BFSP1: variants seen among roughly 807,000 people sequenced by gnomAD.
BFSP1 encodes the protein beaded filament structural protein 1.
In BFSP1, 38 loss-of-function variants were observed where a neutral mutation model predicts 43.9. That is an observed-to-expected ratio of 0.87 (90% CI 0.67 to 1.14). The LOEUF (loss-of-function observed/expected upper bound fraction) is 1.14, where lower values mean the gene tolerates loss of function less well. BFSP1 is among the 50% of genes most tolerant of loss of function. The pLI is 0.00. For missense variants in BFSP1, 850 were observed against 875.1 expected (o/e 0.97, Z 0.36); for synonymous variants, 352 against 354.8 (o/e 0.99, Z 0.09).
intron 5 of BFSP1, among the ~76,000 whole-genome samples, chr20:17,504,096 A>G (rs1374887384): frequency 6.6e-6 from 1 of 152,100 alleles, no homozygotes; most frequent in Non-Finnish European, 1.5e-5. Flanking sequence ...AGAAGGCTGC[A>G]TGTTTTAAAG....
chr20:17,554,742 A>T (rs1035137833), intron 1 of BFSP1, among the ~76,000 whole-genome samples: 1 of 152,218 alleles, frequency 6.6e-6, no homozygotes, highest in Non-Finnish European at 1.5e-5. Flanking sequence ...TAACCCATGC[A>T]ATGACAAGAA....
At chr20:17,509,440 G>C (rs1476700766) in intron 4 of BFSP1, among the ~76,000 whole-genome samples, 3 of 152,160 alleles carry the variant, frequency 2.0e-5, no homozygotes, top group African/African-American at 7.2e-5. Context: ...AGTAGCCTGA[G>C]AAGACTAAGC....
In BFSP1 at chr20:17,514,702, T is replaced by C. The variant is rs377729204; in HGVS notation, c.534+19A>G. 1.2e-6 allele frequency: 2 copies of C among 1,611,822 alleles called. No homozygotes were observed. Among genetic ancestry groups the C allele is most frequent in the African/African-American group, 2.7e-5 (2 of 74,890 alleles). On this transcript the variant is annotated intron_variant, in intron 3 of 7. Transcript: ENST00000377873. The stretch of plus-strand genomic sequence containing the variant: ...AAACTGGGTTTTCTAGAGGAAGGGC[T>C]TCAAGGGGTCATGATTACCTTCTTG...
intron 1 of BFSP1, among the ~76,000 whole-genome samples, chr20:17,529,896 C>A: frequency 6.6e-6 from 1 of 152,188 alleles, no homozygotes; most frequent in Non-Finnish European, 1.5e-5. Context: ...CTCAAAGTAG[C>A]CTTCTGAGTC....
intron 1 of BFSP1, among the ~76,000 whole-genome samples, chr20:17,550,615 T>A (rs753720291): frequency 7.9e-5 from 12 of 151,860 alleles, no homozygotes; most frequent in Non-Finnish European, 1.5e-4. Flanking sequence ...CAGGTGCCCA[T>A]CTGCCCACCA....
At chr20:17,546,371 C>T (rs2034801296) in intron 1 of BFSP1, among the ~76,000 whole-genome samples, 1 of 152,168 alleles carries the variant, frequency 6.6e-6, no homozygotes, top group Non-Finnish European at 1.5e-5. Flanking sequence ...GTGGGGATTA[C>T]TCGTCCTCTC....
chr20:17,520,210 G>GCCCCCCCCCCCCCCCCCCCCCCTC (rs138070825), intron 2 of BFSP1, among the ~76,000 whole-genome samples: 4 of 133,354 alleles, frequency 3.0e-5, no homozygotes, highest in East Asian at 2.1e-4. Flanking sequence ...GTTTTAACGT[G>GCCCCCCCCCCCCCCCCCCCCCCTC]CCCCCCCACC....
rs1461674900 is a variant in BFSP1, at chr20:17,507,847, G to A, written c.735+1042C>T. On this transcript the variant is annotated intron_variant, in intron 5 of 7. Transcript: ENST00000377873. This position sits in a 1 kb window ranked among gnomAD's most constrained non-coding sequence, Gnocchi z 4.4. ...CAGTTCAGGGGACCACCACAGACCC[G>A]GGTTTGCTTTCCAGCAGCCCCTGAG... Among the ~76,000 whole-genome samples the A allele has an allele frequency of 2.0e-5, 3 of 152,240 alleles. No homozygotes were observed. The highest frequency in any genetic ancestry group is 4.2e-4 in the South Asian group (2 of 4,816).
At chr20:17,549,697 G>A (rs533810800) in intron 1 of BFSP1, among the ~76,000 whole-genome samples, 1 of 152,204 alleles carries the variant, frequency 6.6e-6, no homozygotes, top group African/African-American at 2.4e-5. Flanking sequence ...CTAGCCTGGC[G>A]TGGTGGCACA....
intron 1 of BFSP1, among the ~76,000 whole-genome samples, chr20:17,567,581 C>T (rs561177858): frequency 2.0e-5 from 3 of 152,180 alleles, no homozygotes; most frequent in East Asian, 3.9e-4. Context: ...GAGAGGTGGC[C>T]GGGCGCTCGG....
chr20:17,523,269 C>A (rs1349401883), intron 2 of BFSP1, among the ~76,000 whole-genome samples: 1 of 152,024 alleles, frequency 6.6e-6, no homozygotes, highest in African/African-American at 2.4e-5. Context: ...AAGAGGAACC[C>A]CATTCTTTCT....
At chr20:17,564,780 G>A (rs891620970) in intron 1 of BFSP1, among the ~76,000 whole-genome samples, 2 of 151,962 alleles carry the variant, frequency 1.3e-5, no homozygotes, top group Non-Finnish European at 2.9e-5. Context: ...GTAGAGACGG[G>A]GTTTCACCAT....
intron 2 of BFSP1, among the ~76,000 whole-genome samples, chr20:17,520,340 T>C (rs990959408): frequency 5.9e-5 from 9 of 151,912 alleles, no homozygotes; most frequent in African/African-American, 2.2e-4. Context: ...ATTTGGAGCA[T>C]TATTGAAAAT....
chr20:17,551,872 C>A (rs953287362), intron 1 of BFSP1, among the ~76,000 whole-genome samples: 2 of 151,968 alleles, frequency 1.3e-5, no homozygotes, highest in Admixed American at 6.6e-5. Context: ...GTAATCCCAG[C>A]TATTCAGGAG....
intron 2 of BFSP1, among the ~76,000 whole-genome samples, chr20:17,521,995 G>A (rs2034328522): frequency 6.6e-6 from 1 of 152,136 alleles, no homozygotes; most frequent in East Asian, 1.9e-4. Flanking sequence ...TACTGATGTG[G>A]GCCATGCATG....
At chr20:17,569,035 C>G (rs2035156986) in intron 1 of BFSP1, 1 of 152,222 alleles carries the variant, frequency 6.6e-6, no homozygotes, top group East Asian at 1.9e-4. Context: ...AAATTAAAAA[C>G]CCGGAGAACT....
In BFSP1 at chr20:17,510,169, T is replaced by C. The variant is rs114040250; in HGVS notation, c.628-1173A>G. Among the ~76,000 whole-genome samples, 927 of 152,356 alleles carry C rather than the reference T, an allele frequency of 6.1e-3. 14 individuals are homozygous for C. The highest frequency in any genetic ancestry group is 0.021 in the African/African-American group (867 of 41,580). On this transcript the variant is annotated intron_variant, in intron 4 of 7. Transcript: ENST00000377873. ...GCATGCACACGAGTCCCTGCGGATCTGGCTAAGATGCAGATTCTGCCTCAG... is the reference window on the plus strand; with the variant it reads ...GCATGCACACGAGTCCCTGCGGATCCGGCTAAGATGCAGATTCTGCCTCAG...
intron 4 of BFSP1, among the ~76,000 whole-genome samples, chr20:17,510,154 G>A (rs771284689): frequency 2.6e-5 from 4 of 152,208 alleles, no homozygotes; most frequent in African/African-American, 7.2e-5. Flanking sequence ...GCATGCACAC[G>A]AGTCCCTGCG....
chr20:17,495,685 C>G (rs541857799), intron 7 of BFSP1, among the ~76,000 whole-genome samples: 2 of 152,322 alleles, frequency 1.3e-5, no homozygotes, highest in South Asian at 4.1e-4. Flanking sequence ...CCCAAGTCCA[C>G]CCTCCTGCTT....
Sources: allele counts gnomAD v4.1 joint callset (sites outside exome capture counted in the v4.1 genomes callset), GRCh38; gene constraint gnomAD v4.1.1; non-coding constraint Gnocchi (gnomAD v3.1); transcripts MANE v1.5; gene names NCBI Gene and HGNC (gene_info 2026-07-23, HGNC 2026-07-21).